SLC35F3: variants seen among roughly 807,000 people sequenced by gnomAD.
SLC35F3 encodes solute carrier family 35 member F3, also known as putative thiamine transporter SLC35F3.
SLC35F3 carries 25 observed loss-of-function variants against 49.9 expected under a neutral mutation model. The ratio of observed to expected loss-of-function variants is 0.50; its 90% CI spans 0.37 to 0.70. The LOEUF is 0.70. SLC35F3 is among the 30% of genes least tolerant of loss of function. The probability of loss-of-function intolerance (pLI) is 0.00; values close to 1 mark genes in which losing one functional copy is unlikely to be tolerated. For missense variants in SLC35F3, 525 were observed against 639.8 expected, an observed-to-expected ratio of 0.82 and a Z score of 1.94; for synonymous variants, 275 against 265.4, an observed-to-expected ratio of 1.04 and a Z score of -0.35.
chr1:234,103,500 C>T (rs1342313432), intron 2 of SLC35F3, among the ~76,000 whole-genome samples: 1 of 152,156 alleles, frequency 6.6e-6, no homozygotes, highest in African/African-American at 2.4e-5. Flanking sequence ...AAAGCATAAA[C>T]CTCAGCAGCC....
intron 2 of SLC35F3, among the ~76,000 whole-genome samples, chr1:234,115,125 A>G (rs1312404043): frequency 1.3e-5 from 2 of 152,194 alleles, no homozygotes; most frequent in Non-Finnish European, 2.9e-5. Context: ...TGTGGCTGCC[A>G]AAGTGTTCAG....
chr1:234,119,695 A>C (rs1558234777), intron 2 of SLC35F3, among the ~76,000 whole-genome samples: 1 of 152,126 alleles, frequency 6.6e-6, no homozygotes, highest in Non-Finnish European at 1.5e-5. Flanking sequence ...ATACTTAACT[A>C]TTGCACTCTG....
chr1:234,161,629 T>C (rs758091656), intron 2 of SLC35F3, among the ~76,000 whole-genome samples: 16 of 151,858 alleles, frequency 1.1e-4, no homozygotes, highest in Non-Finnish European at 2.2e-4. Context: ...AGCTGGAAAA[T>C]GTAAAACAAA....
chr1:234,320,250 A>C lies in SLC35F3; in HGVS notation c.1237+63A>C, dbSNP rs1018992014. 34 of 1,112,888 alleles carry C rather than the reference A, an allele frequency of 3.1e-5. No homozygotes were observed. Among genetic ancestry groups the C allele is most frequent in the African/African-American group, 1.5e-4 (10 of 65,306 alleles). 68.9% of individuals were successfully genotyped at this position (1,112,888 alleles called of 1,614,324 possible). A position where few individuals can be genotyped will look rare whatever the true frequency, so the allele number is the denominator to read the frequency against. On this transcript the variant is annotated intron_variant, in intron 7 of 7. Transcript: ENST00000366618. This position sits in a 1 kb window ranked among gnomAD's most constrained non-coding sequence, Gnocchi z 4.8. ...CACACACTCAGTCACCTACTCACAC[A>C]CACATACACACACTCATGCATACAT...
At chr1:234,290,102 G>T (rs1405736498) in intron 3 of SLC35F3, among the ~76,000 whole-genome samples, 1 of 152,134 alleles carries the variant, frequency 6.6e-6, no homozygotes, top group East Asian at 1.9e-4. Context: ...GAGAATTAGT[G>T]AATTGGAAGA....
At chr1:233,931,610 T>A (rs1571984686) in intron 2 of SLC35F3, among the ~76,000 whole-genome samples, 2 of 152,174 alleles carry the variant, frequency 1.3e-5, no homozygotes, top group East Asian at 3.8e-4. Context: ...CTCACACCAG[T>A]TAGAATGGCG....
At chr1:234,322,905 C>A in intron 7 of SLC35F3, 103 bp from the exon 8 acceptor site, 1 of 959,828 alleles carries the variant, frequency 1.0e-6, no homozygotes, top group Non-Finnish European at 1.6e-6. Context: ...GGGAAGACCA[C>A]AACACTGCCA....
intron 2 of SLC35F3, among the ~76,000 whole-genome samples, chr1:233,909,815 T>C (rs1031116428): frequency 6.6e-6 from 1 of 152,192 alleles, no homozygotes; most frequent in Admixed American, 6.5e-5. Context: ...GGGCAGCCTT[T>C]AGTTGAGACC....
chr1:234,036,088 AT>A (rs1462504074), intron 2 of SLC35F3, among the ~76,000 whole-genome samples: 1 of 152,012 alleles, frequency 6.6e-6, no homozygotes, highest in African/African-American at 2.4e-5. Context: ...TTGTTCATTC[AT>A]TTTTAGAGGT....
chr1:233,986,069 A>G (rs933683433), intron 2 of SLC35F3, among the ~76,000 whole-genome samples: 1 of 152,210 alleles, frequency 6.6e-6, no homozygotes, highest in Admixed American at 6.5e-5. Flanking sequence ...AATGTGTATT[A>G]TAACAATAGC....
chr1:234,175,558 G>A (rs1242999376), intron 2 of SLC35F3, among the ~76,000 whole-genome samples: 1 of 151,648 alleles, frequency 6.6e-6, no homozygotes, highest in Non-Finnish European at 1.5e-5. Flanking sequence ...AGCTATGTGG[G>A]AGGCTGAGCC....
intron 4 of SLC35F3, among the ~76,000 whole-genome samples, chr1:234,311,202 T>A (rs939401006): frequency 6.6e-6 from 1 of 152,236 alleles, no homozygotes; most frequent in Non-Finnish European, 1.5e-5. Context: ...ACAGGTTGTG[T>A]TGGAACTCCC....
At chr1:234,232,438 G>A (rs868824942) in intron 3 of SLC35F3, among the ~76,000 whole-genome samples, 1 of 131,984 alleles carries the variant, frequency 7.6e-6, no homozygotes, top group Middle Eastern at 5.4e-3. Flanking sequence ...GCTCATCTGT[G>A]CCAATTAAGA....
In SLC35F3 at chr1:234,027,448, G is replaced by C. The variant is rs1390475754; in HGVS notation, c.283+121690G>C. On this transcript the variant is annotated intron_variant, in intron 2 of 7. Coordinates refer to ENST00000366618, the MANE Select transcript of SLC35F3 (RefSeq NM_173508.4). This position sits in a 1 kb window ranked among gnomAD's most constrained non-coding sequence, Gnocchi z 4.1. ...CTGCCTGGAGATTAAGTTTCGACTT[G>C]AGTTTTGGAGGGGACACACATTCAA... 6.6e-6 allele frequency among the ~76,000 whole-genome samples: 1 copy of C among 152,226 alleles called. No individual in the cohort carries two copies. Among genetic ancestry groups the C allele is most frequent in the Admixed American group, 6.5e-5 (1 of 15,284 alleles).
At chr1:234,288,042 A>G (rs1208132151) in intron 3 of SLC35F3, among the ~76,000 whole-genome samples, 5 of 152,084 alleles carry the variant, frequency 3.3e-5, no homozygotes, top group Admixed American at 3.3e-4. Flanking sequence ...GTGCATCACC[A>G]CACCTCACTA....
chr1:234,010,773 A>G (rs1663705569), intron 2 of SLC35F3, among the ~76,000 whole-genome samples: 1 of 152,162 alleles, frequency 6.6e-6, no homozygotes, highest in African/African-American at 2.4e-5. Context: ...GAAGGGATGG[A>G]AAGAGATGGA....
chr1:233,984,770 C>T, intron 2 of SLC35F3, among the ~76,000 whole-genome samples: 1 of 152,144 alleles, frequency 6.6e-6, no homozygotes, highest in East Asian at 1.9e-4. Flanking sequence ...GGTCTACAGG[C>T]CAGTGGATGT....
At chr1:233,989,470 A>T (rs1663319709) in intron 2 of SLC35F3, among the ~76,000 whole-genome samples, 1 of 152,244 alleles carries the variant, frequency 6.6e-6, no homozygotes, top group Admixed American at 6.5e-5. Flanking sequence ...AGGCTGTCAG[A>T]ATGTGGTACT....
intron 2 of SLC35F3, among the ~76,000 whole-genome samples, chr1:233,933,328 T>C (rs1662275606): frequency 1.3e-5 from 2 of 152,176 alleles, no homozygotes; most frequent in Admixed American, 1.3e-4. Context: ...CGTTATTTTT[T>C]TTTTACTAAA....
Sources: allele counts gnomAD v4.1 joint callset (sites outside exome capture counted in the v4.1 genomes callset), GRCh38; gene constraint gnomAD v4.1.1; non-coding constraint Gnocchi (gnomAD v3.1); transcripts MANE v1.5; gene names NCBI Gene and HGNC (gene_info 2026-07-23, HGNC 2026-07-21).